Variants in DNAAF5 observed in about 807,000 individuals in gnomAD.
DNAAF5 encodes dynein axonemal assembly factor 5, also known as HEAT repeat containing 2.
DNAAF5 carries 64 observed loss-of-function variants against 75.8 expected under a neutral mutation model. The ratio of observed to expected loss-of-function variants is 0.84; its 90% CI spans 0.69 to 1.04. The LOEUF is 1.04. DNAAF5 is among the 50% of genes least tolerant of loss of function. The pLI, the probability that DNAAF5 is intolerant of heterozygous loss-of-function variation, is 0.00. For synonymous variants in DNAAF5, 657 were observed against 557.2 expected (o/e 1.18, Z -2.52); for missense variants, 1,269 against 1,178.5 (o/e 1.08, Z -1.12).
chr7:775,064 C>T lies in DNAAF5; in HGVS notation c.2141C>T (p.Ser714Leu), dbSNP rs761881360. The change falls in exon 11 of 13, where the codon TCG becomes TTG. Residue 714 changes from serine (S) to leucine (L), a missense_variant. By Grantham distance (145) the Ser-to-Leu change is moderately radical. Transcript: ENST00000297440. Reference sequence around the variant, plus strand: ...GTCCTGACCACCCTGGAGGAGGATTCGAAGATGACGCGACTGATCTCATGC... The same window carrying T: ...GTCCTGACCACCCTGGAGGAGGATTTGAAGATGACGCGACTGATCTCATGC... ...PQVLTTLEEDSKMTRLISCRI... is the reference protein window; with the variant it reads ...PQVLTTLEEDLKMTRLISCRI... The T allele has an allele frequency of 3.7e-6, 6 of 1,613,844 alleles. No homozygotes were observed. The highest frequency in any genetic ancestry group is 2.2e-5 in the South Asian group (2 of 91,078).
chr7:781,675 T>C (rs575045628), intron 12 of DNAAF5, among the ~76,000 whole-genome samples: 1 of 152,328 alleles, frequency 6.6e-6, no homozygotes, highest in South Asian at 2.1e-4. Flanking sequence ...GGGACTTGTT[T>C]CCGCAGCCAT....
intron 8 of DNAAF5, among the ~76,000 whole-genome samples, chr7:765,013 C>T (rs1379389971): frequency 6.6e-6 from 1 of 152,160 alleles, no homozygotes; most frequent in Non-Finnish European, 1.5e-5. Flanking sequence ...CCCAGCTACT[C>T]AGGAAGCTGA....
chr7:785,122 G>A lies in DNAAF5; in HGVS notation c.2432-395G>A, dbSNP rs146073330. ...CGCTCGTGTCCACACTGGGACTGCC[G>A]TGCACGTGGCCAGCAGCATCAGGTC... is the stretch of plus-strand genomic sequence containing the variant. On this transcript the variant is annotated intron_variant, in intron 12 of 12. Transcript: ENST00000297440. Among the ~76,000 whole-genome samples the A allele has an allele frequency of 2.7e-4, 41 of 152,258 alleles. No individual in the cohort carries two copies. The East Asian group carries it at 6.6e-3, about 24-fold the overall frequency.
At chr7:782,601 G>A (rs1274758968) in intron 12 of DNAAF5, among the ~76,000 whole-genome samples, 3 of 139,408 alleles carry the variant, frequency 2.2e-5, no homozygotes, top group Admixed American at 7.3e-5. Context: ...GCCGCGTCCC[G>A]TTACGCAGCG....
chr7:780,826 CT>C (rs201445917), intron 12 of DNAAF5, among the ~76,000 whole-genome samples: 9,788 of 131,092 alleles, frequency 0.075, 348 homozygotes, highest in Non-Finnish European at 0.1. Context: ...TTTTTTTTTT[CT>C]TTTTTTTTTT....
chr7:735,696 T>A (rs1483365468), intron 2 of DNAAF5, among the ~76,000 whole-genome samples: 1 of 152,240 alleles, frequency 6.6e-6, no homozygotes, highest in East Asian at 1.9e-4. Flanking sequence ...TTTCTTAGTC[T>A]GGTTAAAGGT....
intron 12 of DNAAF5, among the ~76,000 whole-genome samples, chr7:781,256 C>G (rs1273932024): frequency 6.6e-6 from 1 of 152,162 alleles, no homozygotes; most frequent in African/African-American, 2.4e-5. Context: ...TTTTAGTTCC[C>G]ACAAATGAGA....
At chr7:744,014 G>C (rs1782005128) in intron 4 of DNAAF5, among the ~76,000 whole-genome samples, 1 of 151,358 alleles carries the variant, frequency 6.6e-6, no homozygotes. Context: ...ATGTATACAT[G>C]TGCCATGCTG....
chr7:758,284 C>T (rs542780562), intron 6 of DNAAF5, among the ~76,000 whole-genome samples: 1 of 152,352 alleles, frequency 6.6e-6, no homozygotes, highest in Admixed American at 6.5e-5. Flanking sequence ...GTGCCTAAAT[C>T]CTTATCTCAC....
intron 2 of DNAAF5, among the ~76,000 whole-genome samples, chr7:735,370 T>G (rs1461251498): frequency 6.6e-6 from 1 of 151,602 alleles, no homozygotes; most frequent in Non-Finnish European, 1.5e-5. Context: ...GTTGCTCATA[T>G]TGTAGTTGCT....
chr7:772,960 TA>T (rs11319485), intron 9 of DNAAF5: 67,349 of 142,202 alleles, frequency 0.47, 15,522 homozygotes, highest in East Asian at 0.5. Context: ...ACCCCAAAAT[TA>T]AAAAAAAAAA....
At chr7:740,971 G>C in intron 3 of DNAAF5, 28 bp downstream of exon 3, 4 of 1,608,348 alleles carry the variant, frequency 2.5e-6, no homozygotes, top group Non-Finnish European at 3.4e-6. Flanking sequence ...CGCGGGCCTT[G>C]TCTTCCTAAA....
At position 754,857 on chromosome 7, in the gene DNAAF5, G is replaced by A. The variant is rs745703252; in HGVS notation, c.1257+36G>A. On this transcript the variant is annotated intron_variant, in intron 5 of 12. Transcript: ENST00000297440. This position sits in a 1 kb window ranked among gnomAD's most constrained non-coding sequence, Gnocchi z 4.8. ...GTATTCCAGTCGTGGTCGCGGAGCT[G>A]TAACTCGAGCTTAAGATCCCGCCTC... The A allele has an allele frequency of 1.4e-6, 2 of 1,471,476 alleles. No homozygotes were observed. Among genetic ancestry groups the A allele is most frequent in the Non-Finnish European group, 1.9e-6 (2 of 1,077,494 alleles). The allele number at this position is 1,471,476 out of a possible 1,614,324, so 91.2% of individuals were successfully genotyped here.
intron 2 of DNAAF5, among the ~76,000 whole-genome samples, chr7:738,801 T>G (rs1781812705): frequency 6.6e-6 from 1 of 151,914 alleles, no homozygotes. Context: ...TGCTATCAGG[T>G]GAGATGTTTG....
intron 12 of DNAAF5, among the ~76,000 whole-genome samples, chr7:783,338 C>T (rs547300430): frequency 8.5e-5 from 13 of 152,166 alleles, no homozygotes; most frequent in East Asian, 1.9e-4. Flanking sequence ...GCCGTGTGCT[C>T]GAGGGTGAGT....
chr7:752,103 C>T (rs1270270637), intron 4 of DNAAF5, among the ~76,000 whole-genome samples: 1 of 152,184 alleles, frequency 6.6e-6, no homozygotes, highest in Non-Finnish European at 1.5e-5. Context: ...CGAGAGCGTC[C>T]AGAAACAGGC....
chr7:768,107 A>G (rs1261803387), intron 8 of DNAAF5, among the ~76,000 whole-genome samples: 1 of 138,242 alleles, frequency 7.2e-6, no homozygotes, highest in Non-Finnish European at 1.5e-5. Flanking sequence ...CTGGGAGCGG[A>G]GACAGGTGAT....
At chr7:784,177 C>T (rs1306365370) in intron 12 of DNAAF5, among the ~76,000 whole-genome samples, 2 of 152,160 alleles carry the variant, frequency 1.3e-5, no homozygotes, top group African/African-American at 4.8e-5. Flanking sequence ...AGCTGGCGGC[C>T]ACGCACCCTC....
chr7:781,771 G>A lies in DNAAF5; in HGVS notation c.2431+1627G>A, dbSNP rs540994582. On this transcript the variant is annotated intron_variant, in intron 12 of 12. Coordinates refer to ENST00000297440, the MANE Select transcript of DNAAF5 (RefSeq NM_017802.4). ...GTGGTGGGCACCTTTTCAGACGCCT[G>A]TTTGTCATTTCCATGCTGTCTTTTG... 1.8e-4 allele frequency among the ~76,000 whole-genome samples: 27 copies of A among 152,342 alleles called. No individual in the cohort carries two copies. The South Asian group carries it at 4.1e-3, about 23-fold the overall frequency.
Sources: allele counts gnomAD v4.1 joint callset (sites outside exome capture counted in the v4.1 genomes callset), GRCh38; gene constraint gnomAD v4.1.1; non-coding constraint Gnocchi (gnomAD v3.1); transcripts MANE v1.5; gene names NCBI Gene and HGNC (gene_info 2026-07-23, HGNC 2026-07-21).